The following TIAM1 variants were observed in gnomAD, a reference collection of about 807,000 sequenced individuals.
TIAM1 encodes the protein TIAM Rac1 associated GEF 1, also known as rho guanine nucleotide exchange factor TIAM1.
A neutral mutation model predicts 163.5 loss-of-function variants in TIAM1; 65 were observed. The observed-to-expected ratio is 0.40, with a 90% confidence interval of 0.33 to 0.49. The LOEUF (loss-of-function observed/expected upper bound fraction) is 0.49. Ranked by LOEUF, TIAM1 falls within the 20% of genes least tolerant of loss-of-function variation. The pLI is 0.77. For missense variants in TIAM1, 1,789 were observed against 2,044.7 expected (o/e 0.87, Z 2.41); for synonymous variants, 833 against 810.1 (o/e 1.03, Z -0.48).
intron 2 of TIAM1, among the ~76,000 whole-genome samples, chr21:31,338,736 T>G (rs1263387067): frequency 1.3e-5 from 2 of 152,136 alleles, no homozygotes; most frequent in Non-Finnish European, 2.9e-5. Flanking sequence ...GCCCCAAGCC[T>G]GTCATGCAAT....
chr21:31,140,166 C>T (rs1178484133), intron 22 of TIAM1, among the ~76,000 whole-genome samples: 1 of 152,134 alleles, frequency 6.6e-6, no homozygotes, highest in African/African-American at 2.4e-5. Context: ...AAAAATGAGC[C>T]TGGATAATGG....
intron 2 of TIAM1, among the ~76,000 whole-genome samples, chr21:31,377,702 C>A (rs761835190): frequency 7.9e-5 from 12 of 152,038 alleles, no homozygotes; most frequent in Non-Finnish European, 1.5e-4. Context: ...CCATCCTAGG[C>A]TACTAAGGGT....
chr21:31,147,054 A>C, intron 19 of TIAM1, 51 bp from the exon 20 acceptor site: 1 of 1,516,662 alleles, frequency 6.6e-7, no homozygotes, highest in Non-Finnish European at 9.1e-7. Context: ...CTCCACTGGA[A>C]ATATCAGCAG....
intron 2 of TIAM1, among the ~76,000 whole-genome samples, chr21:31,410,366 CTG>C (rs1057181229): frequency 2.0e-4 from 30 of 151,242 alleles, no homozygotes; most frequent in African/African-American, 6.6e-4. Flanking sequence ...GTGTGAGCAA[CTG>C]TGTGTAAGAG....
At chr21:31,380,292 C>A (rs774342192) in intron 2 of TIAM1, among the ~76,000 whole-genome samples, 4 of 152,062 alleles carry the variant, frequency 2.6e-5, no homozygotes, top group Non-Finnish European at 5.9e-5. Context: ...CGCTGTAATC[C>A]CAGCACTTTG....
chr21:31,389,839 A>G (rs1228908108), intron 2 of TIAM1, among the ~76,000 whole-genome samples: 1 of 152,220 alleles, frequency 6.6e-6, no homozygotes, highest in Non-Finnish European at 1.5e-5. Flanking sequence ...CCTAAAGCAC[A>G]TATTTATAAC....
At chr21:31,375,404 T>C (rs1229042636) in intron 2 of TIAM1, among the ~76,000 whole-genome samples, 1 of 152,194 alleles carries the variant, frequency 6.6e-6, no homozygotes, top group Non-Finnish European at 1.5e-5. Context: ...TATGTTCAAG[T>C]AATAAAGACT....
intron 2 of TIAM1, among the ~76,000 whole-genome samples, chr21:31,329,156 C>T (rs1318606999): frequency 1.3e-5 from 2 of 152,140 alleles, no homozygotes; most frequent in Non-Finnish European, 2.9e-5. Context: ...CTGGAACGAA[C>T]CCCCCACAAA....
intron 1 of TIAM1, among the ~76,000 whole-genome samples, chr21:31,464,282 T>A (rs1177109080): frequency 1.3e-5 from 2 of 152,172 alleles, no homozygotes; most frequent in Non-Finnish European, 2.9e-5. Context: ...CCCCGGCACA[T>A]CACCCTAACA....
chr21:31,296,792 T>C (rs2074284843), intron 2 of TIAM1, among the ~76,000 whole-genome samples: 2 of 152,184 alleles, frequency 1.3e-5, no homozygotes, highest in East Asian at 1.9e-4. Context: ...GCCTCCAGAG[T>C]AGCTGGGACT....
At chr21:31,243,250 T>A (rs998415698) in intron 6 of TIAM1, among the ~76,000 whole-genome samples, 2 of 145,856 alleles carry the variant, frequency 1.4e-5, no homozygotes, top group Non-Finnish European at 3.0e-5. Context: ...TATGTATATT[T>A]TATATATATA....
intron 2 of TIAM1, among the ~76,000 whole-genome samples, chr21:31,460,944 T>C (rs898315390): frequency 2.6e-5 from 4 of 152,198 alleles, no homozygotes; most frequent in Admixed American, 6.5e-5. Flanking sequence ...TAGCCATCCA[T>C]TATAATGTAG....
At chr21:31,376,656 C>T (rs879835598) in intron 2 of TIAM1, among the ~76,000 whole-genome samples, 14 of 151,914 alleles carry the variant, frequency 9.2e-5, no homozygotes, top group Non-Finnish European at 1.8e-4. Context: ...ACTGTGACAT[C>T]GGCCTCAAAT....
At chr21:31,127,026 A>T (rs1398485735) in intron 26 of TIAM1, 39 bp downstream of exon 26, 5 of 1,603,900 alleles carry the variant, frequency 3.1e-6, no homozygotes, top group Non-Finnish European at 4.3e-6. Flanking sequence ...AATCTGCAGA[A>T]ATGTCAACAC....
intron 1 of TIAM1, among the ~76,000 whole-genome samples, chr21:31,549,514 T>G (rs1166151690): frequency 6.6e-6 from 1 of 152,182 alleles, no homozygotes; most frequent in Non-Finnish European, 1.5e-5. Context: ...GAAGATACAT[T>G]TCTTCAAAGA....
intron 25 of TIAM1, among the ~76,000 whole-genome samples, chr21:31,127,778 A>G (rs2833287): frequency 0.099 from 15,065 of 152,186 alleles, 1,981 homozygotes; most frequent in African/African-American, 0.3. Flanking sequence ...TTAAATGATT[A>G]ATTGTTTTGG....
At chr21:31,192,227 C>T (rs1397574093) in intron 13 of TIAM1, among the ~76,000 whole-genome samples, 1 of 152,116 alleles carries the variant, frequency 6.6e-6, no homozygotes, top group African/African-American at 2.4e-5. Context: ...TTGAGTATTC[C>T]GAGATGAAGA....
intron 2 of TIAM1, among the ~76,000 whole-genome samples, chr21:31,365,721 G>A (rs1178725986): frequency 6.6e-6 from 1 of 151,976 alleles, no homozygotes; most frequent in African/African-American, 2.4e-5. Context: ...TTCAGCACTT[G>A]GCATAGTACC....
chr21:31,323,374 C>T (rs1227661432), intron 2 of TIAM1, among the ~76,000 whole-genome samples: 4 of 151,208 alleles, frequency 2.6e-5, no homozygotes, highest in African/African-American at 9.7e-5. Context: ...TGTAGGATTC[C>T]AAGTATATGA....
Sources: allele counts gnomAD v4.1 joint callset (sites outside exome capture counted in the v4.1 genomes callset), GRCh38; gene constraint gnomAD v4.1.1; transcripts MANE v1.5; gene names NCBI Gene and HGNC (gene_info 2026-07-23, HGNC 2026-07-21).